Variants in SETD1B observed in about 807,000 individuals in gnomAD.
SETD1B encodes SET domain containing 1B, histone lysine methyltransferase, also known as histone-lysine N-methyltransferase SETD1B.
In SETD1B, 7 loss-of-function variants were observed where a neutral mutation model predicts 148.0. The observed-to-expected ratio is 0.05, with a 90% CI of 0.03 to 0.09. The LOEUF is 0.09. Among genes scored for constraint, SETD1B ranks in the 10% least tolerant of loss-of-function variants. SETD1B has a pLI of 1.00. For synonymous variants in SETD1B, 1,361 were observed against 1,186.5 expected (o/e 1.15, Z -3.02); for missense variants, 2,155 against 2,729.9 (o/e 0.79, Z 4.69).
intron 12 of SETD1B, 140 bp downstream of exon 12, chr12:121,823,889 C>A: frequency 7.9e-7 from 1 of 1,268,204 alleles, no homozygotes; most frequent in Non-Finnish European, 1.1e-6. Flanking sequence ...ACTTCCCAAG[C>A]AGGGTTTGTG....
the SETD1B span, chr12:121,797,195 A>G: frequency 8.6e-6 from 3 of 350,298 alleles, no homozygotes. Flanking sequence ...CTCCACCCAG[A>G]GGGTCCGAAA....
At position 121,831,842 on chromosome 12, in the gene SETD1B, A is replaced by G. The variant is rs1371618836; in HGVS notation, c.*1603A>G. Reference sequence around the variant, plus strand: ...GTTATCATGTAAATTCTGTACAAAGAATTGTTATTTTTCTCTTTTTTGTTG... The same window carrying G: ...GTTATCATGTAAATTCTGTACAAAGGATTGTTATTTTTCTCTTTTTTGTTG... On this transcript the variant is annotated 3_prime_UTR_variant, in exon 17 of 17. Transcript: ENST00000604567. 1 of 151,710 alleles carries G rather than the reference A, an allele frequency of 6.6e-6. No homozygotes were observed. The highest frequency in any genetic ancestry group is 2.4e-5 in the African/African-American group (1 of 41,266). 9.4% of individuals were successfully genotyped at this position (151,710 alleles called of 1,614,324 possible). A position where few individuals can be genotyped will look rare whatever the true frequency, so the allele number is the denominator to read the frequency against.
the SETD1B span, among the ~76,000 whole-genome samples, chr12:121,790,360 C>A: frequency 6.6e-6 from 1 of 152,276 alleles, no homozygotes; most frequent in Non-Finnish European, 1.5e-5. Context: ...TTACTAGACT[C>A]ATTTCTGGCT....
chr12:121,804,761 C>T lies in SETD1B; in HGVS notation c.24C>T (p.His8=), dbSNP rs901546350. 1.3e-6 allele frequency: 2 copies of T among 1,550,088 alleles called. No homozygotes were observed. Among genetic ancestry groups the T allele is most frequent in the Non-Finnish European group, 1.7e-6 (2 of 1,146,452 alleles). The change falls in exon 2 of 17, where the codon CAC becomes CAT. Residue 8 remains histidine (H), a synonymous_variant. Coordinates refer to ENST00000604567, the MANE Select transcript of SETD1B (RefSeq NM_001353345.2). The surrounding 1 kb of genome is among the most constrained non-coding windows in gnomAD (Gnocchi z 4.6). The part of the protein sequence containing the change: MENSHPP[H]HHHQQPPPQP... The stretch of plus-strand genomic sequence containing the variant: ...GCATGGAGAACAGTCACCCCCCCCA[C>T]CACCACCACCAGCAGCCCCCGCCGC...
rs1001244550 is a variant in SETD1B at position 121,822,565 on chromosome 12, G to A, written c.3986G>A (p.Arg1329Gln). The A allele has an allele frequency of 5.7e-5, 89 of 1,549,886 alleles. No homozygotes were observed. Among genetic ancestry groups the A allele is most frequent in the Non-Finnish European group, 7.1e-5 (81 of 1,146,262 alleles). Residue 1329 changes from arginine (R) to glutamine (Q), a missense_variant, in exon 12 of 17, where the codon CGA (arginine) becomes CAA (glutamine). Physicochemically the swap from Arg to Gln is conservative, Grantham distance 43. Around this residue, in one of 11 missense-constraint regions of SETD1B, gnomAD observed 862 missense variants for 873.8 expected, o/e 0.99. Transcript: ENST00000604567. ...LPLQPPLPPP[R>Q]PPRPPSPPPE... ...CTGCAACCACCATTGCCGCCCCCAC[G>A]ACCACCCCGGCCACCCAGCCCACCG...
At chr12:121,793,897 A>C in the SETD1B span, 10 of 332,420 alleles carry the variant, frequency 3.0e-5, no homozygotes, top group South Asian at 8.7e-5. Flanking sequence ...CCCCCAACCC[A>C]CCGCCACCCT....
At chr12:121,790,662 T>C in the SETD1B span, among the ~76,000 whole-genome samples, 3 of 152,290 alleles carry the variant, frequency 2.0e-5, 1 homozygote, top group African/African-American at 7.2e-5. Flanking sequence ...CTCTTCTCCC[T>C]GGGTGCCCCT....
rs1385965988 is a variant in SETD1B, at chr12:121,831,789, C to G, written c.*1550C>G. Reference sequence around the variant, plus strand: ...CCCTGCGGACGCAGGCGGCCGGAGCCTCTGGTATCTCAGCTTGTGTCAAGC... The same window carrying G: ...CCCTGCGGACGCAGGCGGCCGGAGCGTCTGGTATCTCAGCTTGTGTCAAGC... On this transcript the variant is annotated 3_prime_UTR_variant, in exon 17 of 17. Transcript: ENST00000604567. The G allele has an allele frequency of 6.6e-6, 1 of 152,190 alleles. No individual in the cohort carries two copies. Among genetic ancestry groups the G allele is most frequent in the African/African-American group, 2.4e-5 (1 of 41,444 alleles). The allele number at this position is 152,190 out of a possible 1,614,324, so 9.4% of individuals were successfully genotyped here. A position where few individuals can be genotyped will look rare whatever the true frequency, so the allele number is the denominator to read the frequency against.
Position 121,805,812 on chromosome 12 carries a change from C to T in SETD1B, c.274-23C>T. ...TTAGGTTTAAACGTTCTTCAAACTCCCTTCCCCCTCGGCCCCTGCCAGATC... is the reference window on the plus strand; with the variant it reads ...TTAGGTTTAAACGTTCTTCAAACTCTCTTCCCCCTCGGCCCCTGCCAGATC... On this transcript the variant is annotated intron_variant, in intron 3 of 16. Coordinates refer to ENST00000604567, the MANE Select transcript of SETD1B (RefSeq NM_001353345.2). The surrounding 1 kb of genome is among the most constrained non-coding windows in gnomAD (Gnocchi z 4.2). The T allele has an allele frequency of 6.5e-7, 1 of 1,546,432 alleles. No individual in the cohort carries two copies. The highest frequency in any genetic ancestry group is 8.7e-7 in the Non-Finnish European group (1 of 1,143,438).
At chr12:121,825,802 G>A (rs1566560350) in intron 13 of SETD1B, among the ~76,000 whole-genome samples, 1 of 152,010 alleles carries the variant, frequency 6.6e-6, no homozygotes, top group Non-Finnish European at 1.5e-5. Flanking sequence ...CCACCACCAT[G>A]CCTGGCTAAT....
In SETD1B at chr12:121,825,223, A is replaced by G; in HGVS notation, c.5194A>G (p.Lys1732Glu). The change falls in exon 13 of 17, where the codon AAG (lysine) becomes GAG (glutamate). Residue 1732 changes from lysine to glutamate, a missense_variant. Lys to Glu is a moderately conservative substitution (Grantham distance 56). Coordinates refer to ENST00000604567, the MANE Select transcript of SETD1B (RefSeq NM_001353345.2). ...ACCCACCAGCCTCTCTTCAGCTAAG[A>G]AGAAGAAACGGGACGATGGCATCCG... ...HPSTSLSSAK[K>E]KKRDDGIREH... 6.4e-7 allele frequency: 1 copy of G among 1,551,650 alleles called. No homozygotes were observed. The highest frequency in any genetic ancestry group is 8.7e-7 in the Non-Finnish European group (1 of 1,147,006).
chr12:121,822,674 C>A lies in SETD1B; in HGVS notation c.4095C>A (p.Gly1365=). ...LAEDHPPHTP[G]LCGSLAKSQS... ...AGGACCACCCCCCGCATACTCCAGG[C>A]CTCTGTGGCAGCCTGGCCAAGTCGC... The change falls in exon 12 of 17, where the codon GGC becomes GGA. Residue 1365 remains glycine (G), a synonymous_variant. Transcript: ENST00000604567. 1 of 1,545,050 alleles carries A rather than the reference C, an allele frequency of 6.5e-7. No homozygotes were observed.
At chr12:121,820,327 C>CT (rs373975905) in intron 11 of SETD1B, among the ~76,000 whole-genome samples, 139 of 152,360 alleles carry the variant, frequency 9.1e-4, no homozygotes, top group African/African-American at 3.2e-3. Flanking sequence ...TATGAGAACT[C>CT]TAACTGCATG....
intron 7 of SETD1B, among the ~76,000 whole-genome samples, chr12:121,815,569 G>A (rs1876253862): frequency 6.6e-6 from 1 of 152,024 alleles, no homozygotes; most frequent in Admixed American, 6.6e-5. Context: ...GAGTGTAGTG[G>A]CGCAATCATA....
intron 6 of SETD1B, among the ~76,000 whole-genome samples, chr12:121,811,624 C>T (rs545614449): frequency 6.6e-6 from 1 of 152,222 alleles, no homozygotes; most frequent in South Asian, 2.1e-4. Flanking sequence ...TGGCTCCACT[C>T]CTCCTTCTCG....
the SETD1B span, among the ~76,000 whole-genome samples, chr12:121,794,613 C>A: frequency 9.7e-3 from 1,478 of 152,298 alleles, 19 homozygotes; most frequent in Middle Eastern, 0.034. Context: ...CCCCAACTCT[C>A]CCATCCCCTG....
At chr12:121,793,579 C>A in the SETD1B span, 2 of 1,553,188 alleles carry the variant, frequency 1.3e-6, no homozygotes, top group Middle Eastern at 2.1e-4. Context: ...ATCTTCAGCT[C>A]CTTCCTGCCC....
upstream of SETD1B, chr12:121,802,793 A>C (rs1161381412): frequency 6.6e-6 from 1 of 152,276 alleles, no homozygotes; most frequent in East Asian, 1.9e-4. Context: ...GCCTGTTGAC[A>C]AATGTTAAAC....
chr12:121,827,376 C>A (rs1003593580), intron 13 of SETD1B, 143 bp from the exon 14 acceptor site: 11 of 972,436 alleles, frequency 1.1e-5, no homozygotes, highest in African/African-American at 1.6e-5. Context: ...GGCAGGGAAG[C>A]GGTGACAATT....
Sources: allele counts gnomAD v4.1 joint callset (sites outside exome capture counted in the v4.1 genomes callset), GRCh38; gene constraint gnomAD v4.1.1; regional missense constraint gnomAD v4.1.1; non-coding constraint Gnocchi (gnomAD v3.1); transcripts MANE v1.5; gene names NCBI Gene and HGNC (gene_info 2026-07-23, HGNC 2026-07-21).